SAMMSON: variants seen among roughly 807,000 people sequenced by gnomAD.
The protein encoded by SAMMSON is survival associated mitochondrial melanoma specific oncogenic non-coding RNA.
In SAMMSON at chr3:70,053,730, G is replaced by A. The variant is rs576094478; in HGVS notation, n.418-17746G>A. Reference sequence around the variant, plus strand: ...GGTTTCCCATTATACTACATATCTGGGGGTCTTTCTTTTTTTCACTGGTGC... The same window carrying A: ...GGTTTCCCATTATACTACATATCTGAGGGTCTTTCTTTTTTTCACTGGTGC... On this transcript the variant is annotated intron_variant and non_coding_transcript_variant, in intron 3 of 9. Transcript: ENST00000642114. 3.9e-5 allele frequency among the ~76,000 whole-genome samples: 6 copies of A among 152,178 alleles called. No homozygotes were observed. In the East Asian group the frequency reaches 1.2e-3, roughly 29 times the overall value.
At chr3:70,036,960 A>G (rs564788864) in intron 3 of SAMMSON, among the ~76,000 whole-genome samples, 66 of 152,238 alleles carry the variant, frequency 4.3e-4, no homozygotes, top group Middle Eastern at 3.4e-3. Flanking sequence ...GTGTTGGAGG[A>G]TAGGATTGTA....
At chr3:70,375,746 A>G in intron 9 of SAMMSON, among the ~76,000 whole-genome samples, 1 of 152,082 alleles carries the variant, frequency 6.6e-6, no homozygotes, top group East Asian at 1.9e-4. Flanking sequence ...CTTATTGCTC[A>G]TAGATGGTAT....
At chr3:70,341,746 A>T (rs1267089523) in intron 7 of SAMMSON, among the ~76,000 whole-genome samples, 1 of 152,212 alleles carries the variant, frequency 6.6e-6, no homozygotes. Flanking sequence ...TTAGAGCAGA[A>T]GGGCAGAAAG....
chr3:70,296,382 A>G (rs953853355), intron 7 of SAMMSON, among the ~76,000 whole-genome samples: 1 of 152,200 alleles, frequency 6.6e-6, no homozygotes, highest in African/African-American at 2.4e-5. Context: ...TATGGGTTCC[A>G]GAGCCTACCA....
chr3:70,401,209 C>T lies in SAMMSON; in HGVS notation n.233+42885C>T, dbSNP rs1457109215. On this transcript the variant is annotated intron_variant and non_coding_transcript_variant, in intron 2 of 3. Transcript: ENST00000641053. ...ATCTCTCATTACAAATTAGACTCCA[C>T]ATTAACAGAGGTTTTCTGGATAATG... is the stretch of plus-strand genomic sequence containing the variant. 1.3e-5 allele frequency among the ~76,000 whole-genome samples: 2 copies of T among 151,822 alleles called. 1 individual carries two copies. The highest frequency in any genetic ancestry group is 1.3e-4 in the Admixed American group (2 of 15,244).
chr3:70,312,742 T>G (rs1341281929), intron 7 of SAMMSON: 1 of 130,916 alleles, frequency 7.6e-6, no homozygotes, highest in African/African-American at 2.8e-5. Context: ...GAGTTTTTTT[T>G]GTGTTTTTTT....
At position 70,186,327 on chromosome 3, in the gene SAMMSON, T is replaced by C. The variant is rs190947613; in HGVS notation, n.508-62780T>C. Among the ~76,000 whole-genome samples the C allele has an allele frequency of 5.7e-4, 86 of 152,108 alleles. 1 individual carries two copies. The highest frequency in any genetic ancestry group is 5.6e-3 in the East Asian group (29 of 5,156). ...GGGCTCTAGTGCAGTGGCATGATCTTGGCTCACTGCAGCCTTGATGTCCTG... is the reference window on the plus strand; with the variant it reads ...GGGCTCTAGTGCAGTGGCATGATCTCGGCTCACTGCAGCCTTGATGTCCTG... On this transcript the variant is annotated intron_variant and non_coding_transcript_variant, in intron 4 of 9. Transcript: ENST00000642114.
At chr3:70,298,539 G>T (rs1198596118) in intron 7 of SAMMSON, among the ~76,000 whole-genome samples, 3 of 152,070 alleles carry the variant, frequency 2.0e-5, no homozygotes, top group African/African-American at 7.2e-5. Context: ...TTTAATCACT[G>T]TGATCTACAG....
intron 6 of SAMMSON, among the ~76,000 whole-genome samples, chr3:70,250,720 CT>C (rs1424007493): frequency 6.6e-6 from 1 of 152,046 alleles, no homozygotes; most frequent in African/African-American, 2.4e-5. Context: ...ACTGGCAATT[CT>C]TTTGTTTGTC....
At chr3:70,312,922 G>A (rs1553654754) in intron 7 of SAMMSON, among the ~76,000 whole-genome samples, 2 of 151,838 alleles carry the variant, frequency 1.3e-5, no homozygotes, top group African/African-American at 4.8e-5. Context: ...AAAAGATGTA[G>A]AAAAAAATGT....
intron 4 of SAMMSON, among the ~76,000 whole-genome samples, chr3:70,170,268 T>C (rs946164533): frequency 6.6e-6 from 1 of 151,838 alleles, no homozygotes; most frequent in African/African-American, 2.4e-5. Flanking sequence ...TTTTTTCACT[T>C]ATTATCTGAA....
intron 3 of SAMMSON, among the ~76,000 whole-genome samples, chr3:70,033,585 G>T (rs1204037278): frequency 2.0e-5 from 3 of 152,182 alleles, no homozygotes; most frequent in Non-Finnish European, 4.4e-5. Flanking sequence ...TATCTTGCAA[G>T]TAACAGCCAG....
rs146087204 is a variant in SAMMSON, at chr3:70,155,670, C to G, written n.507+84105C>G. On this transcript the variant is annotated intron_variant and non_coding_transcript_variant, in intron 4 of 9. Transcript: ENST00000642114. ...AAGCTTTCTTTCTACCCCTTTCTTT[C>G]AGATTCTGCTGTAATAACATACAAG... Among the ~76,000 whole-genome samples the G allele has an allele frequency of 3.0e-4, 46 of 152,134 alleles. 1 individual carries two copies. In the East Asian group the frequency reaches 8.7e-3, roughly 29 times the overall value.
chr3:70,353,182 A>T (rs1199139622), intron 7 of SAMMSON, among the ~76,000 whole-genome samples: 1 of 152,032 alleles, frequency 6.6e-6, no homozygotes, highest in African/African-American at 2.4e-5. Context: ...TAAAAGGAAA[A>T]ATTGATACAT....
At chr3:70,207,031 T>C (rs1701297967) in intron 4 of SAMMSON, among the ~76,000 whole-genome samples, 1 of 139,682 alleles carries the variant, frequency 7.2e-6, no homozygotes, top group Non-Finnish European at 1.5e-5. Context: ...CACTTATTTC[T>C]ACTTTTTTTT....
intron 2 of SAMMSON, among the ~76,000 whole-genome samples, chr3:70,431,431 A>C (rs1269615566): frequency 6.6e-6 from 1 of 152,100 alleles, no homozygotes; most frequent in African/African-American, 2.4e-5. Context: ...TGTGTATATT[A>C]ATATAGAATG....
At chr3:70,107,051 G>C (rs1173719469) in intron 4 of SAMMSON, among the ~76,000 whole-genome samples, 1 of 152,182 alleles carries the variant, frequency 6.6e-6, no homozygotes, top group African/African-American at 2.4e-5. Flanking sequence ...GCATTGTCTT[G>C]AGAGCTATGT....
At chr3:70,291,538 T>G (rs1702239771) in intron 7 of SAMMSON, among the ~76,000 whole-genome samples, 1 of 152,210 alleles carries the variant, frequency 6.6e-6, no homozygotes, top group African/African-American at 2.4e-5. Context: ...GTCTTATCTC[T>G]CATCACATTC....
chr3:70,249,659 A>G (rs1049440430), exon 6 of SAMMSON: 9 of 152,154 alleles, frequency 5.9e-5, no homozygotes, highest in African/African-American at 2.2e-4. Context: ...CCAATTCCAC[A>G]GTACCAGCAC....
Sources: gnomAD v4.1 joint callset for allele counts (sites outside exome capture counted in the v4.1 genomes callset) on GRCh38, gnomAD v4.1.1 for gene constraint, MANE v1.5 for transcripts, NCBI Gene and HGNC (gene_info 2026-07-23, HGNC 2026-07-21) for gene names.